The following UNC13C variants were observed in gnomAD, a reference collection of about 807,000 sequenced individuals.
UNC13C encodes the protein protein unc-13 homolog C.
In UNC13C, 174 loss-of-function variants were observed where a neutral mutation model predicts 245.4. The ratio of observed to expected loss-of-function variants is 0.71; its 90% confidence interval spans 0.63 to 0.80. UNC13C has a LOEUF of 0.80. Ranked by LOEUF, UNC13C falls within the 30% of genes least tolerant of loss-of-function variation. The pLI, the probability that UNC13C is intolerant of heterozygous loss-of-function variation, is 0.00. For missense variants in UNC13C, 2,829 were observed against 2,602.9 expected, an observed-to-expected ratio of 1.09 and a Z score of -1.89; for synonymous variants, 992 against 895.1, an observed-to-expected ratio of 1.11 and a Z score of -1.93.
chr15:54,159,018 T>G (rs947748239), intron 4 of UNC13C, among the ~76,000 whole-genome samples: 1 of 152,138 alleles, frequency 6.6e-6, no homozygotes, highest in African/African-American at 2.4e-5. Flanking sequence ...AACTGGGACA[T>G]GGGCAGGATT....
At chr15:54,575,565 T>TAA (rs529591444) in intron 30 of UNC13C, among the ~76,000 whole-genome samples, 40 of 140,494 alleles carry the variant, frequency 2.8e-4, no homozygotes, top group African/African-American at 8.2e-4. Flanking sequence ...GTTCTCAAAT[T>TAA]AAAAAAAAAA....
At chr15:54,404,245 G>A (rs2040248042) in intron 18 of UNC13C, among the ~76,000 whole-genome samples, 1 of 152,052 alleles carries the variant, frequency 6.6e-6, no homozygotes, top group Non-Finnish European at 1.5e-5. Flanking sequence ...GACAAACTTT[G>A]CATATCAAAA....
intron 18 of UNC13C, among the ~76,000 whole-genome samples, chr15:54,406,146 A>G (rs1335752790): frequency 6.6e-6 from 1 of 152,198 alleles, no homozygotes; most frequent in African/African-American, 2.4e-5. Flanking sequence ...AGACCTGAAT[A>G]AATGATTAAA....
intron 2 of UNC13C, among the ~76,000 whole-genome samples, chr15:54,104,066 G>A (rs1490841924): frequency 6.6e-6 from 1 of 152,216 alleles, no homozygotes; most frequent in Non-Finnish European, 1.5e-5. Context: ...TTAAGATATT[G>A]TGTCGAGTCC....
the UNC13C span, among the ~76,000 whole-genome samples, chr15:53,854,727 G>A: frequency 0.28 from 42,168 of 152,088 alleles, 7,132 homozygotes; most frequent in Non-Finnish European, 0.36. Flanking sequence ...GTCAGGTAGC[G>A]TGATGCCTCC....
chr15:53,912,252 T>G, the UNC13C span: 1 of 152,180 alleles, frequency 6.6e-6, no homozygotes, highest in Non-Finnish European at 1.5e-5. Context: ...CCTGGAAACT[T>G]TTCAGCTCAA....
At chr15:54,174,211 C>T (rs933383368) in intron 4 of UNC13C, among the ~76,000 whole-genome samples, 1 of 152,030 alleles carries the variant, frequency 6.6e-6, no homozygotes, top group Non-Finnish European at 1.5e-5. Flanking sequence ...TCCTGCTGTC[C>T]TCATTAAATA....
At chr15:54,489,875 T>C (rs1446765462) in intron 19 of UNC13C, among the ~76,000 whole-genome samples, 1 of 152,224 alleles carries the variant, frequency 6.6e-6, no homozygotes, top group Non-Finnish European at 1.5e-5. Flanking sequence ...TTGTTTGTAC[T>C]GTCCTCAAGA....
chr15:54,122,984 A>G (rs2030780233), intron 2 of UNC13C, among the ~76,000 whole-genome samples: 1 of 152,046 alleles, frequency 6.6e-6, no homozygotes, highest in African/African-American at 2.4e-5. Flanking sequence ...TACCTTGGTT[A>G]TATGGCAAAC....
At chr15:53,990,507 G>A (rs1016284596) in intron 1 of UNC13C, among the ~76,000 whole-genome samples, 3 of 152,014 alleles carry the variant, frequency 2.0e-5, no homozygotes, top group Non-Finnish European at 4.4e-5. Context: ...CTGAAGTGCT[G>A]TATAATAAAA....
chr15:54,027,687 G>C (rs1225881110), intron 2 of UNC13C, among the ~76,000 whole-genome samples: 1 of 152,020 alleles, frequency 6.6e-6, no homozygotes, highest in African/African-American at 2.4e-5. Flanking sequence ...TGGGTTTTCT[G>C]TCTCAACAGA....
chr15:54,087,380 G>A (rs1055523939), intron 2 of UNC13C, among the ~76,000 whole-genome samples: 1 of 152,130 alleles, frequency 6.6e-6, no homozygotes, highest in Non-Finnish European at 1.5e-5. Context: ...TATCTGACAG[G>A]ACAGCTCTGC....
the UNC13C span, among the ~76,000 whole-genome samples, chr15:53,916,580 A>G: frequency 6.6e-6 from 1 of 152,198 alleles, no homozygotes; most frequent in East Asian, 1.9e-4. Flanking sequence ...AGCTGCTTGC[A>G]TCGTCGAGCA....
At chr15:54,101,990 A>G (rs1392962783) in intron 2 of UNC13C, among the ~76,000 whole-genome samples, 1 of 150,840 alleles carries the variant, frequency 6.6e-6, no homozygotes, top group African/African-American at 2.4e-5. Flanking sequence ...GCCTTTGTTC[A>G]GTGCTCTTTG....
intron 2 of UNC13C, among the ~76,000 whole-genome samples, chr15:54,083,967 G>T (rs934952455): frequency 2.0e-5 from 3 of 152,230 alleles, no homozygotes; most frequent in African/African-American, 7.2e-5. Context: ...CTGTCCTCAT[G>T]AAGTTTCCAA....
At chr15:54,383,571 G>T (rs1038382385) in intron 17 of UNC13C, among the ~76,000 whole-genome samples, 3 of 151,970 alleles carry the variant, frequency 2.0e-5, no homozygotes, top group African/African-American at 7.3e-5. Context: ...ATACTGAAGG[G>T]GGAGATTTGA....
chr15:54,405,365 G>T (rs534452847), intron 18 of UNC13C, among the ~76,000 whole-genome samples: 4 of 152,136 alleles, frequency 2.6e-5, no homozygotes, highest in African/African-American at 9.7e-5. Context: ...GGACAAAAAT[G>T]TGTTAAATTT....
At chr15:54,506,656 G>C (rs569241565) in intron 22 of UNC13C, among the ~76,000 whole-genome samples, 1 of 151,910 alleles carries the variant, frequency 6.6e-6, no homozygotes, top group African/African-American at 2.4e-5. Flanking sequence ...CTCTTCTTCA[G>C]CTTAACTCTT....
At chr15:54,321,390 C>G in intron 13 of UNC13C, 1 of 492,570 alleles carries the variant, frequency 2.0e-6, no homozygotes, top group Non-Finnish European at 4.0e-6. Context: ...GGTACCTGGT[C>G]TTTGAGAATC....
Sources: allele counts gnomAD v4.1 joint callset (sites outside exome capture counted in the v4.1 genomes callset), GRCh38; gene constraint gnomAD v4.1.1; transcripts MANE v1.5; gene names NCBI Gene and HGNC (gene_info 2026-07-23, HGNC 2026-07-21).